The following SHISA6 variants were observed in gnomAD, a reference collection of about 807,000 sequenced individuals.
SHISA6 encodes the protein shisa family member 6.
A neutral mutation model predicts 47.9 loss-of-function variants in SHISA6; 22 were observed. The ratio of observed to expected loss-of-function variants is 0.46; its 90% CI spans 0.33 to 0.66. The LOEUF is 0.66. Ranked by LOEUF, SHISA6 falls within the 30% of genes least tolerant of loss-of-function variation. The probability of loss-of-function intolerance (pLI) is 0.02; values close to 1 mark genes in which losing one functional copy is unlikely to be tolerated. For missense variants in SHISA6, 680 were observed against 764.6 expected (o/e 0.89, Z 1.30); for synonymous variants, 388 against 337.8 (o/e 1.15, Z -1.63).
At chr17:11,455,665 G>T (rs1033472245) in intron 3 of SHISA6, among the ~76,000 whole-genome samples, 4 of 152,172 alleles carry the variant, frequency 2.6e-5, no homozygotes, top group African/African-American at 7.2e-5. Flanking sequence ...TTCTCACCCC[G>T]CTGAGCATTT....
At chr17:11,530,733 T>A (rs1281511696) in intron 3 of SHISA6, among the ~76,000 whole-genome samples, 1 of 152,220 alleles carries the variant, frequency 6.6e-6, no homozygotes, top group South Asian at 2.1e-4. Context: ...TTATTTAAGA[T>A]GTTCTTCTTT....
intron 3 of SHISA6, among the ~76,000 whole-genome samples, chr17:11,436,671 G>A (rs1164986182): frequency 1.3e-5 from 2 of 152,200 alleles, no homozygotes; most frequent in African/African-American, 2.4e-5. Context: ...TATCTTCAGG[G>A]CTGATCACAG....
At chr17:11,283,511 T>C (rs1263408630) in intron 2 of SHISA6, among the ~76,000 whole-genome samples, 1 of 152,234 alleles carries the variant, frequency 6.6e-6, no homozygotes, top group East Asian at 1.9e-4. Flanking sequence ...TAAAGCCTCA[T>C]GTTGAATAAA....
At chr17:11,274,349 C>T (rs73293765) in intron 2 of SHISA6, among the ~76,000 whole-genome samples, 6,552 of 152,240 alleles carry the variant, frequency 0.043, 465 homozygotes, top group African/African-American at 0.15. Context: ...AGCCAAAGCA[C>T]GGAGGACAGG....
chr17:11,349,346 C>G (rs1911796729), intron 2 of SHISA6, among the ~76,000 whole-genome samples: 1 of 152,190 alleles, frequency 6.6e-6, no homozygotes, highest in African/African-American at 2.4e-5. Flanking sequence ...GTGACTCAGA[C>G]CTCTTAGGTT....
intron 2 of SHISA6, among the ~76,000 whole-genome samples, chr17:11,268,610 A>G (rs1908518988): frequency 6.6e-6 from 1 of 152,188 alleles, no homozygotes; most frequent in African/African-American, 2.4e-5. Context: ...CTTCTCTGTT[A>G]CCATCTCCGG....
intron 3 of SHISA6, among the ~76,000 whole-genome samples, chr17:11,474,405 G>GT (rs55978546): frequency 0.068 from 9,634 of 141,318 alleles, 321 homozygotes; most frequent in East Asian, 0.1. Context: ...CTTTTTGATG[G>GT]TTTTTTTTTT....
At chr17:11,244,431 C>G (rs1907496330) in intron 1 of SHISA6, among the ~76,000 whole-genome samples, 1 of 152,154 alleles carries the variant, frequency 6.6e-6, no homozygotes, top group Non-Finnish European at 1.5e-5. Flanking sequence ...TTCTGGGTAA[C>G]TGAAGCACAA....
chr17:11,324,943 C>T (rs77941279), intron 2 of SHISA6, among the ~76,000 whole-genome samples: 1 of 152,100 alleles, frequency 6.6e-6, no homozygotes, highest in East Asian at 1.9e-4. Context: ...GAGCCCTCCC[C>T]ACCTCATTGG....
chr17:11,363,700 G>A (rs557789051), intron 2 of SHISA6, among the ~76,000 whole-genome samples: 4 of 152,148 alleles, frequency 2.6e-5, no homozygotes, highest in Non-Finnish European at 5.9e-5. Context: ...CTTGAAGACT[G>A]GCTGAAACAG....
chr17:11,379,909 A>G (rs1567589646), intron 3 of SHISA6: 1 of 209,190 alleles, frequency 4.8e-6, no homozygotes, highest in Admixed American at 6.4e-5. Context: ...AATGTTCTGT[A>G]CTGTGGTATC....
intron 2 of SHISA6, among the ~76,000 whole-genome samples, chr17:11,326,219 C>T (rs989531869): frequency 1.3e-5 from 2 of 150,134 alleles, no homozygotes; most frequent in Admixed American, 6.7e-5. Context: ...TGCAGTGAGC[C>T]GAGATCGTAC....
rs559911659 is a variant in SHISA6, at chr17:11,424,297, C to T, written c.895+44788C>T. ...CTGGCAGCTGACTTCTCAACATACA[C>T]GATAGTGCCAGATGATGCTGTGATG... On this transcript the variant is annotated intron_variant, in intron 3 of 5. Transcript: ENST00000441885. Among the ~76,000 whole-genome samples, 6 of 152,154 alleles carry T rather than the reference C, an allele frequency of 3.9e-5. No individual in the cohort carries two copies. In the East Asian group the frequency reaches 5.8e-4, roughly 15 times the overall value.
At chr17:11,424,357 T>G (rs943786131) in intron 3 of SHISA6, among the ~76,000 whole-genome samples, 3 of 152,170 alleles carry the variant, frequency 2.0e-5, no homozygotes, top group Non-Finnish European at 2.9e-5. Flanking sequence ...ATTTTGTGTA[T>G]GAAATCATCA....
At chr17:11,517,452 G>C (rs1358822704) in intron 3 of SHISA6, among the ~76,000 whole-genome samples, 1 of 152,180 alleles carries the variant, frequency 6.6e-6, no homozygotes, top group Non-Finnish European at 1.5e-5. Flanking sequence ...GCAGCTTCTT[G>C]TATGAGTCAA....
chr17:11,339,267 A>G (rs915079199), intron 2 of SHISA6, among the ~76,000 whole-genome samples: 4 of 152,172 alleles, frequency 2.6e-5, no homozygotes, highest in African/African-American at 4.8e-5. Context: ...TCTGTTCATA[A>G]TATACTAAAT....
chr17:11,479,665 A>C (rs944705369), intron 3 of SHISA6, among the ~76,000 whole-genome samples: 17 of 152,044 alleles, frequency 1.1e-4, no homozygotes, highest in Non-Finnish European at 2.2e-4. Context: ...ATAATAAAAT[A>C]ATTTTAATTC....
At chr17:11,428,779 CTTTTTTTT>C (rs34920362) in intron 3 of SHISA6, among the ~76,000 whole-genome samples, 6 of 96,060 alleles carry the variant, frequency 6.2e-5, no homozygotes, top group Non-Finnish European at 1.0e-4. Context: ...GATCCACTTT[CTTTTTTTT>C]TTTTTTTTTT....
chr17:11,254,406 G>A (rs748430594), intron 1 of SHISA6, among the ~76,000 whole-genome samples: 1 of 152,244 alleles, frequency 6.6e-6, no homozygotes, highest in Non-Finnish European at 1.5e-5. Context: ...GCTCTGGGAT[G>A]TGGGAGGAGA....
Sources: gnomAD v4.1 joint callset for allele counts (sites outside exome capture counted in the v4.1 genomes callset) on GRCh38, gnomAD v4.1.1 for gene constraint, MANE v1.5 for transcripts, NCBI Gene and HGNC (gene_info 2026-07-23, HGNC 2026-07-21) for gene names.